MMRN1: variants seen among roughly 807,000 people sequenced by gnomAD.
MMRN1 encodes multimerin 1, also known as multimerin-1.
MMRN1 carries 94 observed loss-of-function variants against 100.7 expected under a neutral mutation model. That is an observed-to-expected ratio of 0.93 (90% CI 0.79 to 1.11). The LOEUF (loss-of-function observed/expected upper bound fraction) is 1.11. Ranked by LOEUF, MMRN1 falls within the 50% of genes least tolerant of loss-of-function variation. The probability of loss-of-function intolerance (pLI) is 0.00; values close to 1 mark genes in which losing one functional copy is unlikely to be tolerated. For missense variants in MMRN1, 1,606 were observed against 1,439.1 expected, an observed-to-expected ratio of 1.12 and a Z score of -1.88; for synonymous variants, 575 against 505.0, an observed-to-expected ratio of 1.14 and a Z score of -1.86.
intron 3 of MMRN1, among the ~76,000 whole-genome samples, chr4:89,922,724 G>A: frequency 6.6e-6 from 1 of 152,080 alleles, no homozygotes; most frequent in East Asian, 1.9e-4. Context: ...TTTTATTTTA[G>A]TAAGGAACCT....
At chr4:89,879,840 T>C (rs1027036921) in intron 1 of MMRN1, among the ~76,000 whole-genome samples, 2 of 152,228 alleles carry the variant, frequency 1.3e-5, no homozygotes, top group Admixed American at 1.3e-4. Flanking sequence ...CATGTGAAAA[T>C]AGCCTGAAGA....
In MMRN1 at chr4:89,936,605, T is replaced by C; in HGVS notation, c.2925T>C (p.Thr975=). Residue 975 remains threonine (T), a synonymous_variant, in exon 6 of 8, where the codon ACT becomes ACC. Transcript: ENST00000264790. ...EFVEPIIQIK[T]QAALSNLTCC... ...TGGAACCAATAATTCAAATAAAAAC[T>C]CAAGCTGCCCTATCTAATTTAACTT... 3 of 1,611,914 alleles carry C rather than the reference T, an allele frequency of 1.9e-6. No homozygotes were observed. The highest frequency in any genetic ancestry group is 2.5e-6 in the Non-Finnish European group (3 of 1,179,258).
intron 5 of MMRN1, among the ~76,000 whole-genome samples, chr4:89,931,344 TA>T (rs1469701389): frequency 6.6e-6 from 1 of 152,208 alleles, no homozygotes; most frequent in Non-Finnish European, 1.5e-5. Context: ...TCATGTATGT[TA>T]AAAACTTACT....
At chr4:89,910,498 C>T (rs547288008) in intron 2 of MMRN1, among the ~76,000 whole-genome samples, 7 of 151,212 alleles carry the variant, frequency 4.6e-5, no homozygotes, top group African/African-American at 7.3e-5. Context: ...TTTTAATACT[C>T]GTGTCATAAT....
At position 89,936,023 on chromosome 4, in the gene MMRN1, T is replaced by C. The variant is rs755089200; in HGVS notation, c.2343T>C (p.Arg781=). The C allele has an allele frequency of 1.9e-6, 3 of 1,612,988 alleles. No homozygotes were observed. The highest frequency in any genetic ancestry group is 2.5e-6 in the Non-Finnish European group (3 of 1,179,558). The stretch of plus-strand genomic sequence containing the variant: ...TGACATTTATTCCTCAGTTCCACCG[T>C]CTGAATGATTCTATTCAGACTTTGG... ...TILTFIPQFH[R]LNDSIQTLVN... The change falls in exon 6 of 8, where the codon CGT becomes CGC. Residue 781 remains arginine (R), a synonymous_variant. Coordinates refer to ENST00000264790, the MANE Select transcript of MMRN1 (RefSeq NM_007351.3).
At chr4:89,906,798 A>G (rs2110592100) in intron 1 of MMRN1, among the ~76,000 whole-genome samples, 1 of 151,494 alleles carries the variant, frequency 6.6e-6, no homozygotes, top group African/African-American at 2.4e-5. Context: ...CTTCTAATTT[A>G]CCCTGGATCA....
intron 1 of MMRN1, among the ~76,000 whole-genome samples, chr4:89,903,478 A>T (rs1721455280): frequency 6.6e-6 from 1 of 151,768 alleles, no homozygotes; most frequent in Admixed American, 6.6e-5. Flanking sequence ...GTTAAGATGA[A>T]TTTATCAGGT....
chr4:89,912,084 C>G (rs1313012734), intron 3 of MMRN1, 34 bp downstream of exon 3: 4 of 1,371,816 alleles, frequency 2.9e-6, no homozygotes, highest in Non-Finnish European at 4.0e-6. Context: ...CAATTCTGAA[C>G]AATAAGAAAC....
chr4:89,942,009 T>G (rs763181529), intron 6 of MMRN1, among the ~76,000 whole-genome samples: 4 of 152,178 alleles, frequency 2.6e-5, no homozygotes, highest in Non-Finnish European at 5.9e-5. Flanking sequence ...CAACCTTTTC[T>G]GTCACCTTGT....
intron 1 of MMRN1, among the ~76,000 whole-genome samples, chr4:89,902,931 A>T (rs1034406937): frequency 6.6e-6 from 1 of 152,008 alleles, no homozygotes; most frequent in Non-Finnish European, 1.5e-5. Context: ...GCATAGAAAG[A>T]TACACTACAA....
rs774204805 is a variant in MMRN1, at chr4:89,936,295, C to T, written c.2615C>T (p.Thr872Met). Residue 872 changes from threonine (T) to methionine (M), a missense_variant, in exon 6 of 8, where the codon ACG becomes ATG. Coordinates refer to ENST00000264790, the MANE Select transcript of MMRN1 (RefSeq NM_007351.3). ...LQDIESKVTQ[T>M]LIPYYISVKK... ...GACATTGAGTCTAAAGTTACCCAGA[C>T]GCTCATACCTTATTATATTTCAGTT... 3.0e-5 allele frequency: 48 copies of T among 1,611,904 alleles called. No individual in the cohort carries two copies. The highest frequency in any genetic ancestry group is 3.3e-4 in the Middle Eastern group (2 of 6,068).
At chr4:89,907,670 G>A (rs1051809735) in intron 1 of MMRN1, among the ~76,000 whole-genome samples, 2 of 150,624 alleles carry the variant, frequency 1.3e-5, no homozygotes, top group African/African-American at 2.4e-5. Flanking sequence ...CCTTATCTTC[G>A]AGTTTATTGG....
At chr4:89,923,644 C>A (rs997776512) in intron 4 of MMRN1, among the ~76,000 whole-genome samples, 1 of 152,178 alleles carries the variant, frequency 6.6e-6, no homozygotes, top group African/African-American at 2.4e-5. Flanking sequence ...TCTAAGAAGG[C>A]TCTCTTCAAT....
chr4:89,917,017 A>G (rs546605174), intron 3 of MMRN1, among the ~76,000 whole-genome samples: 5 of 151,792 alleles, frequency 3.3e-5, no homozygotes, highest in East Asian at 1.9e-4. Context: ...GGAGGGAACT[A>G]TATCTTGATG....
At position 89,924,748 on chromosome 4, in the gene MMRN1, G is replaced by A. The variant is rs1722194178; in HGVS notation, c.955+1476G>A. Among the ~76,000 whole-genome samples the A allele has an allele frequency of 3.3e-5, 5 of 152,256 alleles. No individual in the cohort carries two copies. In the South Asian group the frequency reaches 1.0e-3, roughly 32 times the overall value. The stretch of plus-strand genomic sequence containing the variant: ...AATCCTAGCTACTTGGGAGGCTGAG[G>A]CAGGAGAATCGCTTGAACCCGGGAG... On this transcript the variant is annotated intron_variant, in intron 4 of 7. Coordinates refer to ENST00000264790, the MANE Select transcript of MMRN1 (RefSeq NM_007351.3).
intron 5 of MMRN1, 50 bp downstream of exon 5, chr4:89,928,018 TG>T: frequency 7.2e-7 from 1 of 1,395,300 alleles, no homozygotes; most frequent in Non-Finnish European, 9.7e-7. Context: ...AGAAAGCAAA[TG>T]ATTCATTTTT....
intron 1 of MMRN1, among the ~76,000 whole-genome samples, chr4:89,905,009 A>T (rs1721519506): frequency 6.6e-6 from 1 of 151,626 alleles, no homozygotes; most frequent in African/African-American, 2.4e-5. Context: ...ATTTTTTAAA[A>T]AGAGAGGGGG....
At chr4:89,941,136 A>G (rs906345123) in intron 6 of MMRN1, among the ~76,000 whole-genome samples, 1 of 152,192 alleles carries the variant, frequency 6.6e-6, no homozygotes, top group Non-Finnish European at 1.5e-5. Context: ...CTAATAGGTT[A>G]TCTTCTGTAC....
rs146638478 is a variant in MMRN1, at chr4:89,915,551, AG to A, written c.850+3503del. On this transcript the variant is annotated intron_variant, in intron 3 of 7. Coordinates refer to ENST00000264790, the MANE Select transcript of MMRN1 (RefSeq NM_007351.3). ...TAATGACATCCTCCATATGGCTCAA[AG>A]GTCTGGAAGGAAAACAAAAAAAACT... is the stretch of plus-strand genomic sequence containing the variant. 4.5e-3 allele frequency among the ~76,000 whole-genome samples: 679 copies of A among 151,568 alleles called. 7 individuals are homozygous for A. The highest frequency in any genetic ancestry group is 0.016 in the African/African-American group (657 of 41,454).
Sources: gnomAD v4.1 joint callset for allele counts (sites outside exome capture counted in the v4.1 genomes callset) on GRCh38, gnomAD v4.1.1 for gene constraint, MANE v1.5 for transcripts, NCBI Gene and HGNC (gene_info 2026-07-23, HGNC 2026-07-21) for gene names.